Variants in TMOD2 observed in about 807,000 individuals in gnomAD.
The protein encoded by TMOD2 is tropomodulin 2, also known as tropomodulin-2.
In TMOD2, 22 loss-of-function variants were observed where a neutral mutation model predicts 39.9. That is an observed-to-expected ratio of 0.55 (90% confidence interval 0.39 to 0.79). The LOEUF is 0.79. TMOD2 is among the 30% of genes least tolerant of loss of function. The pLI is 0.00. For missense variants in TMOD2, 386 were observed against 413.3 expected (o/e 0.93, Z 0.57); for synonymous variants, 123 against 146.1 (o/e 0.84, Z 1.14).
At chr15:51,787,679 C>T (rs1431680094) in intron 7 of TMOD2, among the ~76,000 whole-genome samples, 1 of 152,214 alleles carries the variant, frequency 6.6e-6, no homozygotes, top group African/African-American at 2.4e-5. Context: ...GCAATATTTG[C>T]TCTTCTGCAG....
Position 51,773,705 on chromosome 15 carries a change from T to G in TMOD2, c.284-7T>G, listed in dbSNP as rs2055868630. On this transcript the variant is annotated splice_polypyrimidine_tract_variant and splice_region_variant and intron_variant, in intron 3 of 9. Coordinates refer to ENST00000249700, the MANE Select transcript of TMOD2 (RefSeq NM_014548.4). ...CTCAATATTTTTGTTTTTCTTCTGA[T>G]TTAAAGGGAGAGTCTTTATCCCTAA... The G allele has an allele frequency of 1.9e-6, 3 of 1,598,230 alleles. No individual in the cohort carries two copies. Among genetic ancestry groups the G allele is most frequent in the Non-Finnish European group, 2.6e-6 (3 of 1,175,374 alleles).
At chr15:51,802,977 A>C (rs1390091251) in intron 8 of TMOD2, among the ~76,000 whole-genome samples, 3 of 152,208 alleles carry the variant, frequency 2.0e-5, no homozygotes, top group Admixed American at 6.5e-5. Flanking sequence ...TCCACTCCAT[A>C]CTTAAATTTT....
intron 5 of TMOD2, among the ~76,000 whole-genome samples, chr15:51,779,838 A>G (rs930530717): frequency 5.3e-5 from 8 of 151,900 alleles, no homozygotes; most frequent in African/African-American, 1.9e-4. Flanking sequence ...GAACCATTAC[A>G]CCTGGCTAAT....
rs1567240778 is a variant in TMOD2 at position 51,781,194 on chromosome 15, AT to A, written c.624+21del. 1 of 1,582,238 alleles carries A rather than the reference AT, an allele frequency of 6.3e-7. No individual in the cohort carries two copies. The highest frequency in any genetic ancestry group is 2.3e-5 in the East Asian group (1 of 44,410). On this transcript the variant is annotated intron_variant, in intron 6 of 9. Coordinates refer to ENST00000249700, the MANE Select transcript of TMOD2 (RefSeq NM_014548.4). ...ATTAAGGTATTTCATTGTGATTATCATCAGTCAGTTAATTTATCATGAGGTC... is the reference window on the plus strand; with the variant it reads ...ATTAAGGTATTTCATTGTGATTATCACAGTCAGTTAATTTATCATGAGGTC...
intron 1 of TMOD2, among the ~76,000 whole-genome samples, chr15:51,762,329 C>A (rs2055787200): frequency 6.6e-6 from 1 of 151,760 alleles, no homozygotes; most frequent in Non-Finnish European, 1.5e-5. Context: ...CATGGTGGTG[C>A]ACACCTGTAG....
chr15:51,773,416 C>T (rs1445166026), intron 3 of TMOD2, among the ~76,000 whole-genome samples: 3 of 152,172 alleles, frequency 2.0e-5, no homozygotes, highest in Admixed American at 1.3e-4. Context: ...CCTGCCCAGA[C>T]CCAAGGGCAG....
chr15:51,754,066 G>A (rs1305887259), intron 1 of TMOD2, among the ~76,000 whole-genome samples: 1 of 151,926 alleles, frequency 6.6e-6, no homozygotes, highest in African/African-American at 2.4e-5. Context: ...GGGACGGGGG[G>A]TTGGTGTTCC....
chr15:51,760,731 G>A (rs145947817), intron 1 of TMOD2, among the ~76,000 whole-genome samples: 2,153 of 152,168 alleles, frequency 0.014, 45 homozygotes, highest in African/African-American at 0.05. Context: ...GCTTGAACCC[G>A]GGAGGTAGAG....
In TMOD2 at chr15:51,781,445, A is replaced by G. The variant is rs896711779; in HGVS notation, c.624+271A>G. Among the ~76,000 whole-genome samples the G allele has an allele frequency of 2.6e-5, 4 of 152,262 alleles. No individual in the cohort carries two copies. The East Asian group carries it at 5.8e-4, about 22-fold the overall frequency. ...ACTCCAAAACTTAGAGGCTTCAAAC[A>G]ACAGACATTTATTATTTCACACACA... On this transcript the variant is annotated intron_variant, in intron 6 of 9. Coordinates refer to ENST00000249700, the MANE Select transcript of TMOD2 (RefSeq NM_014548.4).
rs2056168836 is a variant in TMOD2, at chr15:51,813,438, T to C, written c.*4984T>C. 1 of 152,194 alleles carries C rather than the reference T, an allele frequency of 6.6e-6. No homozygotes were observed. Among genetic ancestry groups the C allele is most frequent in the Non-Finnish European group, 1.5e-5 (1 of 68,028 alleles). 9.4% of individuals were successfully genotyped at this position (152,194 alleles called of 1,614,324 possible). ...CTAGACATAGAAAAGAGTAGTTAAC[T>C]AACTAGATGTTCTTCTGATCTCTTC... On this transcript the variant is annotated 3_prime_UTR_variant, in exon 10 of 10. Transcript: ENST00000249700.
rs2056173987 is a variant in TMOD2 at position 51,814,052 on chromosome 15, T to C, written c.*5598T>C. 6.6e-6 allele frequency: 1 copy of C among 152,140 alleles called. No individual in the cohort carries two copies. The highest frequency in any genetic ancestry group is 2.4e-5 in the African/African-American group (1 of 41,396). 9.4% of individuals were successfully genotyped at this position (152,140 alleles called of 1,614,324 possible). On this transcript the variant is annotated 3_prime_UTR_variant, in exon 10 of 10. Coordinates refer to ENST00000249700, the MANE Select transcript of TMOD2 (RefSeq NM_014548.4). Reference sequence around the variant, plus strand: ...GTGGAAGTTAGATACCAGCGATGTATATGGTAGGACATTTTCCTGGGTCAC... The same window carrying C: ...GTGGAAGTTAGATACCAGCGATGTACATGGTAGGACATTTTCCTGGGTCAC...
chr15:51,765,280 C>T (rs570807489), intron 1 of TMOD2, among the ~76,000 whole-genome samples: 23 of 152,284 alleles, frequency 1.5e-4, no homozygotes, highest in African/African-American at 4.6e-4. Flanking sequence ...GGATTACAGG[C>T]GTGAGCCAAC....
chr15:51,776,986 C>T lies in TMOD2; in HGVS notation c.461C>T (p.Ala154Val), dbSNP rs777915973. ...AATCCAAAGTTCGATGAAGAAACAG[C>T]CAACAATAAAGGTGGCAAAGGACCT... ...LNNPKFDEET[A>V]NNKGGKGPVR... Residue 154 changes from alanine (A) to valine (V), a missense_variant, in exon 5 of 10, where the codon GCC becomes GTC. By Grantham distance (64) the Ala-to-Val change is moderately conservative (BLOSUM62 0). Transcript: ENST00000249700. The T allele has an allele frequency of 1.2e-6, 2 of 1,613,892 alleles. No homozygotes were observed. Among genetic ancestry groups the T allele is most frequent in the South Asian group, 2.2e-5 (2 of 91,070 alleles).
Position 51,814,776 on chromosome 15 carries a change from A to AT in TMOD2, c.*6324dup, listed in dbSNP as rs2056177660. 1 of 152,188 alleles carries AT rather than the reference A, an allele frequency of 6.6e-6. No individual in the cohort carries two copies. The highest frequency in any genetic ancestry group is 2.4e-5 in the African/African-American group (1 of 41,418). The allele number at this position is 152,188 out of a possible 1,614,324, so 9.4% of individuals were successfully genotyped here. ...AGCTCCAATACTTGACAAGCTTGTG[A>AT]TTCTAAATCGTTTCCGTTGCCTCTG... On this transcript the variant is annotated 3_prime_UTR_variant, in exon 10 of 10. Coordinates refer to ENST00000249700, the MANE Select transcript of TMOD2 (RefSeq NM_014548.4).
At chr15:51,752,761 C>G (rs1215828503) in intron 1 of TMOD2, 2 of 152,212 alleles carry the variant, frequency 1.3e-5, no homozygotes, top group Non-Finnish European at 2.9e-5. Flanking sequence ...TGACAACAAG[C>G]GCCTCTACCC....
intron 5 of TMOD2, among the ~76,000 whole-genome samples, chr15:51,778,942 A>T (rs1208571539): frequency 6.6e-6 from 1 of 151,916 alleles, no homozygotes; most frequent in African/African-American, 2.4e-5. Context: ...GGTAATTTAG[A>T]CACACAATGA....
At chr15:51,792,046 A>G (rs1171007465) in intron 7 of TMOD2, among the ~76,000 whole-genome samples, 3 of 152,226 alleles carry the variant, frequency 2.0e-5, no homozygotes, top group African/African-American at 7.2e-5. Flanking sequence ...CTGCACAGCA[A>G]AAGAAATTAT....
intron 8 of TMOD2, among the ~76,000 whole-genome samples, chr15:51,800,639 G>GT (rs1162634113): frequency 2.6e-5 from 4 of 152,064 alleles, no homozygotes; most frequent in Non-Finnish European, 5.9e-5. Context: ...GATTTGTGTA[G>GT]TTTTTCAACT....
chr15:51,777,276 T>C (rs887109227), intron 5 of TMOD2, among the ~76,000 whole-genome samples: 2 of 152,224 alleles, frequency 1.3e-5, no homozygotes, highest in Non-Finnish European at 2.9e-5. Context: ...ATTGTTGATA[T>C]ATGGGTCTGC....
Sources: allele counts gnomAD v4.1 joint callset (sites outside exome capture counted in the v4.1 genomes callset), GRCh38; gene constraint gnomAD v4.1.1; transcripts MANE v1.5; gene names NCBI Gene and HGNC (gene_info 2026-07-23, HGNC 2026-07-21).